Variants in GLIS3 observed in about 807,000 individuals in gnomAD.
GLIS3 encodes the protein zinc finger protein GLIS3.
A neutral mutation model predicts 78.6 loss-of-function variants in GLIS3; 53 were observed. The observed-to-expected ratio is 0.67, with a 90% CI of 0.54 to 0.85. GLIS3 has a LOEUF of 0.85. Ranked by LOEUF, GLIS3 falls within the 40% of genes least tolerant of loss-of-function variation. The pLI is 0.00. For missense variants in GLIS3, 1,703 were observed against 1,231.1 expected (o/e 1.38, Z -5.74); for synonymous variants, 684 against 509.9 (o/e 1.34, Z -4.60).
At chr9:4,466,789 C>G in the GLIS3 span, among the ~76,000 whole-genome samples, 4 of 152,198 alleles carry the variant, frequency 2.6e-5, no homozygotes, top group African/African-American at 4.8e-5. Flanking sequence ...GCTTGTCAGA[C>G]AGTGGGTGCA....
At chr9:3,855,754 G>A (rs1478565649) in intron 9 of GLIS3, 6 of 481,784 alleles carry the variant, frequency 1.2e-5, no homozygotes, top group Non-Finnish European at 2.3e-5. Context: ...TGGTGTTAGA[G>A]CCCTGGCCAA....
chr9:4,435,947 TCAAAACAAAACAAAA>T, the GLIS3 span, among the ~76,000 whole-genome samples: 7 of 151,366 alleles, frequency 4.6e-5, no homozygotes, highest in South Asian at 6.3e-4. Flanking sequence ...AGACTCCGTC[TCAAAACAAAACAAAA>T]CAAAACAAAA....
chr9:4,422,513 G>C, the GLIS3 span, among the ~76,000 whole-genome samples: 2 of 152,188 alleles, frequency 1.3e-5, no homozygotes, highest in African/African-American at 4.8e-5. Flanking sequence ...CCTGGATTCT[G>C]TTTCCCCTGG....
rs145300274 is a variant in GLIS3, at chr9:3,944,574, T to A, written c.1711-7385A>T. 1.3e-4 allele frequency among the ~76,000 whole-genome samples: 20 copies of A among 152,362 alleles called. 1 individual carries two copies. The highest frequency in any genetic ancestry group is 4.6e-4 in the African/African-American group (19 of 41,578). ...TTGTGTAAACACAACAGTAAGTTTT[T>A]GTTGCTGCTGTTGTTTATTAGCACT... is the stretch of plus-strand genomic sequence containing the variant. On this transcript the variant is annotated intron_variant, in intron 4 of 10. Coordinates refer to ENST00000381971, the MANE Select transcript of GLIS3 (RefSeq NM_001042413.2).
intron 2 of GLIS3, among the ~76,000 whole-genome samples, chr9:4,239,368 C>CTT (rs981940988): frequency 6.8e-6 from 1 of 146,570 alleles, no homozygotes; most frequent in Admixed American, 6.8e-5. Context: ...ACGTTCACGA[C>CTT]TTTTTTTTTT....
intron 8 of GLIS3, 21 bp from the exon 9 acceptor site, chr9:3,856,205 G>C: frequency 1.2e-6 from 2 of 1,605,264 alleles, no homozygotes; most frequent in Non-Finnish European, 1.7e-6. Flanking sequence ...AATTATAAAA[G>C]GAAACATGAG....
At chr9:4,032,131 G>C (rs1823893994) in intron 4 of GLIS3, among the ~76,000 whole-genome samples, 1 of 152,212 alleles carries the variant, frequency 6.6e-6, no homozygotes. Context: ...GCAGATCTAA[G>C]TGCCTTCAGT....
chr9:4,490,224 C>A, the GLIS3 span, among the ~76,000 whole-genome samples: 1 of 152,238 alleles, frequency 6.6e-6, no homozygotes, highest in African/African-American at 2.4e-5. Context: ...ATGAGTGAGG[C>A]GTGGAAAGCG....
rs535577758 is a variant in GLIS3, at chr9:4,121,164, C to T, written c.597-2283G>A. 2.0e-5 allele frequency among the ~76,000 whole-genome samples: 3 copies of T among 152,358 alleles called. No homozygotes were observed. In the South Asian group the frequency reaches 6.2e-4, roughly 32 times the overall value. ...ACTTCCCCAAATGGCCTTTGCCTAG[C>T]AGCCAGTCTTCCTCCTGTGTGATTA... On this transcript the variant is annotated intron_variant, in intron 3 of 10. Coordinates refer to ENST00000381971, the MANE Select transcript of GLIS3 (RefSeq NM_001042413.2).
chr9:3,895,098 G>A (rs1822728968), intron 7 of GLIS3, among the ~76,000 whole-genome samples: 1 of 152,200 alleles, frequency 6.6e-6, no homozygotes, highest in Non-Finnish European at 1.5e-5. Context: ...GCCAAGACCA[G>A]GCACTGTTCC....
chr9:3,933,750 G>C (rs1348574416), intron 5 of GLIS3, among the ~76,000 whole-genome samples: 2 of 152,134 alleles, frequency 1.3e-5, no homozygotes, highest in Non-Finnish European at 2.9e-5. Flanking sequence ...TTTTAATGTT[G>C]CTTCTGTTTT....
Position 4,093,052 on chromosome 9 carries a change from G to A in GLIS3, c.1710+24716C>T, listed in dbSNP as rs1829656652. Among the ~76,000 whole-genome samples, 5 of 152,234 alleles carry A rather than the reference G, an allele frequency of 3.3e-5. No homozygotes were observed. In the South Asian group the frequency reaches 1.0e-3, roughly 32 times the overall value. On this transcript the variant is annotated intron_variant, in intron 4 of 10. Coordinates refer to ENST00000381971, the MANE Select transcript of GLIS3 (RefSeq NM_001042413.2). ...ATCTTATGGGGCCACTGTTGTATGTGTACATAGCCACTCTTTGACCAACAT... is the reference window on the plus strand; with the variant it reads ...ATCTTATGGGGCCACTGTTGTATGTATACATAGCCACTCTTTGACCAACAT...
intron 2 of GLIS3, among the ~76,000 whole-genome samples, chr9:4,326,425 A>G (rs10758606): frequency 0.29 from 43,440 of 152,076 alleles, 7,883 homozygotes; most frequent in African/African-American, 0.52. Flanking sequence ...ACATCTCGAA[A>G]ACATTATGCT....
the GLIS3 span, among the ~76,000 whole-genome samples, chr9:4,421,006 T>C: frequency 1.3e-5 from 2 of 152,236 alleles, no homozygotes; most frequent in Non-Finnish European, 1.5e-5. Flanking sequence ...GCTACCAAAG[T>C]TGCACGTTCG....
chr9:4,020,524 T>G lies in GLIS3; in HGVS notation c.1711-83335A>C, dbSNP rs1054890863. On this transcript the variant is annotated intron_variant, in intron 4 of 10. Coordinates refer to ENST00000381971, the MANE Select transcript of GLIS3 (RefSeq NM_001042413.2). ...TTGCTTAGTATAAGAGCATGATGTG[T>G]TTTTCATCCTTTCAACCAGTTAGGT... is the stretch of plus-strand genomic sequence containing the variant. Among the ~76,000 whole-genome samples, 5 of 152,146 alleles carry G rather than the reference T, an allele frequency of 3.3e-5. No homozygotes were observed. In the East Asian group the frequency reaches 9.6e-4, roughly 29 times the overall value.
intron 2 of GLIS3, among the ~76,000 whole-genome samples, chr9:4,159,648 G>A (rs1218717754): frequency 6.6e-6 from 1 of 152,076 alleles, no homozygotes; most frequent in Non-Finnish European, 1.5e-5. Context: ...GAATCCGGGA[G>A]GCAGAGGTTG....
chr9:4,328,238 A>AT (rs1817631388), intron 2 of GLIS3, among the ~76,000 whole-genome samples: 1 of 152,186 alleles, frequency 6.6e-6, no homozygotes, highest in Non-Finnish European at 1.5e-5. Flanking sequence ...CAAGAGAACC[A>AT]TCTCCATGCC....
chr9:3,984,503 T>C (rs944719489), intron 4 of GLIS3, among the ~76,000 whole-genome samples: 6 of 152,220 alleles, frequency 3.9e-5, no homozygotes, highest in African/African-American at 1.4e-4. Flanking sequence ...ATGGCTGTAT[T>C]TACCCAATGC....
At chr9:3,832,489 C>T (rs1230551485) in intron 9 of GLIS3, among the ~76,000 whole-genome samples, 1 of 152,154 alleles carries the variant, frequency 6.6e-6, no homozygotes, top group Admixed American at 6.5e-5. Flanking sequence ...CAATCCTGCA[C>T]TAATTGACAC....
Sources: gnomAD v4.1 joint callset for allele counts (sites outside exome capture counted in the v4.1 genomes callset) on GRCh38, gnomAD v4.1.1 for gene constraint, MANE v1.5 for transcripts, NCBI Gene and HGNC (gene_info 2026-07-23, HGNC 2026-07-21) for gene names.